Variants in DMD observed in about 807,000 individuals in gnomAD.
The protein encoded by DMD is dystrophin.
A neutral mutation model predicts 330.1 loss-of-function variants in DMD; 63 were observed. That is an observed-to-expected ratio of 0.19 (90% CI 0.16 to 0.24). The LOEUF (loss-of-function observed/expected upper bound fraction) is 0.24, where lower values mean the gene tolerates loss of function less well. Among genes scored for constraint, DMD ranks in the 10% least tolerant of loss-of-function variants. DMD has a pLI of 1.00. For missense variants in DMD, 3,344 were observed against 2,684.1 expected (o/e 1.25, Z -5.43); for synonymous variants, 1,223 against 959.8 (o/e 1.27, Z -5.07).
At chrX:32,550,550 C>G (rs1236413549) in intron 16 of DMD, among the ~76,000 whole-genome samples, 2 of 110,739 alleles carry the variant, frequency 1.8e-5, no homozygotes, top group Non-Finnish European at 3.8e-5. Flanking sequence ...AGAAGGATCT[C>G]TAATTACAAA....
At chrX:33,308,715 A>C (rs1327589202) in intron 1 of DMD, among the ~76,000 whole-genome samples, 1 of 111,234 alleles carries the variant, frequency 9.0e-6, no homozygotes, top group Non-Finnish European at 1.9e-5. Context: ...AATTAGTTAA[A>C]ATTACTCCAT....
At chrX:31,471,415 C>G (rs1972456316) in intron 59 of DMD, among the ~76,000 whole-genome samples, 1 of 111,823 alleles carries the variant, frequency 8.9e-6, no homozygotes, top group South Asian at 3.7e-4. Flanking sequence ...AATTCCCTGA[C>G]CCCTTGTGCT....
At chrX:31,281,023 A>C (rs2052571963) in intron 62 of DMD, among the ~76,000 whole-genome samples, 1 of 111,985 alleles carries the variant, frequency 8.9e-6, no homozygotes, top group Non-Finnish European at 1.9e-5. Flanking sequence ...CATTCTCAGA[A>C]TAAAACAGGA....
Position 32,644,149 on chromosome X carries a change from G to A in DMD, c.1314C>T (p.Ser438=), listed in dbSNP as rs747721896. 2.5e-6 allele frequency: 3 copies of A among 1,207,013 alleles called. No homozygotes were observed. The highest frequency in any genetic ancestry group is 3.6e-5 in the South Asian group (2 of 56,208). Residue 438 remains serine (S), a synonymous_variant, in exon 11 of 79, where the codon AGC becomes AGT. Coordinates refer to ENST00000357033, the MANE Select transcript of DMD (RefSeq NM_004006.3). ...NSRWECLRVA[S]MEKQSNLHRV... ...GGACTTACTTGCTTTGTTTTTCCAT[G>A]CTAGCTACCCTGAGGCATTCCCATC...
chrX:31,341,511 G>A (rs894570461), intron 61 of DMD, among the ~76,000 whole-genome samples: 1 of 112,018 alleles, frequency 8.9e-6, no homozygotes, highest in South Asian at 3.7e-4. Context: ...TGATAAGGCA[G>A]TTTTTAGCCC....
intron 17 of DMD, among the ~76,000 whole-genome samples, chrX:32,520,002 C>CATA (rs2046262473): frequency 9.0e-6 from 1 of 111,636 alleles, no homozygotes; most frequent in Non-Finnish European, 1.9e-5. Context: ...CTTGACGGTT[C>CATA]ATAGCATACA....
At chrX:31,276,430 A>G (rs1479659833) in intron 62 of DMD, among the ~76,000 whole-genome samples, 1 of 111,798 alleles carries the variant, frequency 8.9e-6, no homozygotes, top group Non-Finnish European at 1.9e-5. Flanking sequence ...CACCAGAATG[A>G]GCAAGACAAA....
intron 1 of DMD, among the ~76,000 whole-genome samples, chrX:33,145,054 A>G (rs1177293852): frequency 1.8e-5 from 2 of 112,161 alleles, no homozygotes; most frequent in Non-Finnish European, 3.8e-5. Flanking sequence ...TTAATAGAAC[A>G]GCAATATTTT....
At chrX:32,179,461 A>C (rs1328249600) in intron 44 of DMD, among the ~76,000 whole-genome samples, 2 of 112,261 alleles carry the variant, frequency 1.8e-5, no homozygotes, top group Admixed American at 9.4e-5. Context: ...AGCAAAATTC[A>C]GGAGTTAAGT....
intron 1 of DMD, among the ~76,000 whole-genome samples, chrX:33,321,964 C>T (rs1302529534): frequency 9.0e-6 from 1 of 111,567 alleles, no homozygotes; most frequent in Non-Finnish European, 1.9e-5. Flanking sequence ...TCTCAGCCTT[C>T]GTAGAATTGA....
chrX:32,006,553 C>G (rs1006566074), intron 44 of DMD, among the ~76,000 whole-genome samples: 3 of 111,553 alleles, frequency 2.7e-5, no homozygotes, highest in Non-Finnish European at 5.7e-5. Context: ...ACCGTGAATA[C>G]TTTCCACACT....
chrX:33,187,487 A>T (rs2050316196), intron 1 of DMD, among the ~76,000 whole-genome samples: 1 of 112,874 alleles, frequency 8.9e-6, no homozygotes. Flanking sequence ...ACAGATCCTT[A>T]AAGAGAAAAC....
intron 1 of DMD, among the ~76,000 whole-genome samples, chrX:33,122,832 G>A (rs1011057053): frequency 2.7e-5 from 3 of 111,534 alleles, no homozygotes; most frequent in South Asian, 7.5e-4. Context: ...ACTGTGTTCC[G>A]AATGCTTTCT....
intron 43 of DMD, among the ~76,000 whole-genome samples, chrX:32,272,058 G>C (rs908918640): frequency 1.8e-5 from 2 of 111,419 alleles, no homozygotes; most frequent in Non-Finnish European, 3.8e-5. Context: ...TTCCACTTAG[G>C]GGTGACAAAA....
In DMD at chrX:31,982,751, TATG is replaced by T. The variant is rs773390886; in HGVS notation, c.6439-14240_6439-14238del. Among the ~76,000 whole-genome samples the T allele has an allele frequency of 4.9e-3, 538 of 109,650 alleles. 1 individual carries two copies. The highest frequency in any genetic ancestry group is 7.6e-3 in the Non-Finnish European group (400 of 52,445). ...CAGTACTGTATATTAATTATTTAAA[TATG>T]ATATTTTAAAATAAAGTTATCATAC... is the stretch of plus-strand genomic sequence containing the variant. On this transcript the variant is annotated intron_variant, in intron 44 of 78. Coordinates refer to ENST00000357033, the MANE Select transcript of DMD (RefSeq NM_004006.3).
At chrX:32,547,149 C>T (rs1031176816) in intron 16 of DMD, among the ~76,000 whole-genome samples, 15 of 111,062 alleles carry the variant, frequency 1.4e-4, no homozygotes, top group African/African-American at 3.6e-4. Context: ...TAAGAAAATA[C>T]CTAATTTTAA....
At chrX:32,839,713 G>A (rs1326138378) in intron 4 of DMD, among the ~76,000 whole-genome samples, 1 of 95,310 alleles carries the variant, frequency 1.0e-5, no homozygotes, top group Non-Finnish European at 2.0e-5. Flanking sequence ...ACAAAATGGA[G>A]AATTATAAGA....
At chrX:31,831,866 T>C (rs1297005900) in intron 49 of DMD, among the ~76,000 whole-genome samples, 3 of 112,629 alleles carry the variant, frequency 2.7e-5, no homozygotes, top group Non-Finnish European at 5.6e-5. Context: ...CCTCCCAAAG[T>C]GCTGGTATTA....
chrX:31,712,663 C>T (rs937939447), intron 52 of DMD, among the ~76,000 whole-genome samples: 1 of 111,070 alleles, frequency 9.0e-6, no homozygotes, highest in African/African-American at 3.3e-5. Flanking sequence ...TATAGTCTTC[C>T]TTTCCTTTTT....
Sources: gnomAD v4.1 joint callset for allele counts (sites outside exome capture counted in the v4.1 genomes callset) on GRCh38, gnomAD v4.1.1 for gene constraint, MANE v1.5 for transcripts, NCBI Gene and HGNC (gene_info 2026-07-23, HGNC 2026-07-21) for gene names.